METAP1D: variants seen among roughly 807,000 people sequenced by gnomAD.
The protein encoded by METAP1D is methionine aminopeptidase 1D, mitochondrial.
A neutral mutation model predicts 40.5 loss-of-function variants in METAP1D; 31 were observed. The observed-to-expected ratio is 0.77, with a 90% CI of 0.58 to 1.03. METAP1D has a LOEUF of 1.03. METAP1D is among the 50% of genes least tolerant of loss of function. METAP1D has a pLI of 0.00. For synonymous variants in METAP1D, 151 were observed against 146.4 expected, an observed-to-expected ratio of 1.03 and a Z score of -0.22; for missense variants, 411 against 420.7, an observed-to-expected ratio of 0.98 and a Z score of 0.20.
At chr2:172,053,822 G>A (rs536502960) in intron 1 of METAP1D, among the ~76,000 whole-genome samples, 3 of 152,256 alleles carry the variant, frequency 2.0e-5, no homozygotes, top group East Asian at 3.9e-4. Context: ...GCAGTGTAAC[G>A]TAACTGAGGA....
chr2:172,045,771 G>GTATA (rs201522068), intron 1 of METAP1D, among the ~76,000 whole-genome samples: 1 of 85,822 alleles, frequency 1.2e-5, no homozygotes, highest in Non-Finnish European at 2.1e-5. Context: ...GTGTATATAT[G>GTATA]TATATATGTG....
chr2:172,079,117 C>A (rs78551149), intron 7 of METAP1D, 98 bp from the exon 8 acceptor site: 284 of 1,254,734 alleles, frequency 2.3e-4, no homozygotes, highest in Admixed American at 6.2e-4. Context: ...AGAAATAAAA[C>A]GACCAAGTTT....
At chr2:172,063,647 GA>G in intron 2 of METAP1D, 63 bp from the exon 3 acceptor site, 7 of 1,301,212 alleles carry the variant, frequency 5.4e-6, no homozygotes, top group South Asian at 2.5e-5. Context: ...GGCTGTGTCT[GA>G]AAAAATGATC....
At chr2:172,051,631 A>C (rs1411323703) in intron 1 of METAP1D, among the ~76,000 whole-genome samples, 2 of 152,058 alleles carry the variant, frequency 1.3e-5, no homozygotes, top group Non-Finnish European at 1.5e-5. Context: ...CACCACTCTT[A>C]AATGTTGTTA....
At chr2:172,010,404 C>G (rs1213358921) in intron 1 of METAP1D, among the ~76,000 whole-genome samples, 1 of 149,760 alleles carries the variant, frequency 6.7e-6, no homozygotes, top group East Asian at 2.0e-4. Flanking sequence ...CCTTGGCCTC[C>G]CAGAGTACTA....
At chr2:172,031,128 C>T (rs1291943024) in intron 1 of METAP1D, among the ~76,000 whole-genome samples, 2 of 152,130 alleles carry the variant, frequency 1.3e-5, no homozygotes, top group Non-Finnish European at 2.9e-5. Flanking sequence ...TGGAAAGGTC[C>T]ACTGGCCCTA....
chr2:172,065,855 G>T, intron 4 of METAP1D, 103 bp downstream of exon 4: 1 of 1,228,436 alleles, frequency 8.1e-7, no homozygotes, highest in Non-Finnish European at 1.1e-6. Context: ...GAAACCCACC[G>T]GTAAACTTCT....
chr2:172,028,942 C>G (rs1689181128), intron 1 of METAP1D, among the ~76,000 whole-genome samples: 1 of 152,154 alleles, frequency 6.6e-6, no homozygotes, highest in African/African-American at 2.4e-5. Context: ...AGCATCTTTA[C>G]ACACCATTTT....
chr2:172,057,125 C>A (rs1299059895), intron 1 of METAP1D, among the ~76,000 whole-genome samples: 2 of 152,122 alleles, frequency 1.3e-5, no homozygotes, highest in Non-Finnish European at 2.9e-5. Flanking sequence ...AAGCTTGGGG[C>A]CTGGTCATTG....
intron 5 of METAP1D, among the ~76,000 whole-genome samples, chr2:172,070,360 T>C (rs894753487): frequency 6.6e-6 from 1 of 152,332 alleles, no homozygotes; most frequent in East Asian, 1.9e-4. Flanking sequence ...TTCATTCCTA[T>C]ATGGAACCAC....
chr2:172,037,160 G>T (rs1689414066), intron 1 of METAP1D, among the ~76,000 whole-genome samples: 1 of 152,126 alleles, frequency 6.6e-6, no homozygotes, highest in Non-Finnish European at 1.5e-5. Context: ...TGCTTGGGAG[G>T]CTGAGACAGG....
At chr2:172,043,113 A>T (rs1282218855) in intron 1 of METAP1D, among the ~76,000 whole-genome samples, 5,880 of 12,566 alleles carry the variant, frequency 0.47, 995 homozygotes, top group Middle Eastern at 0.79. Flanking sequence ...ATATATATAT[A>T]TATATTTTTT....
chr2:172,020,440 G>A (rs932820897), intron 1 of METAP1D, among the ~76,000 whole-genome samples: 5 of 152,144 alleles, frequency 3.3e-5, no homozygotes, highest in South Asian at 2.1e-4. Flanking sequence ...GTCTTCTTTC[G>A]TGCCCACAAT....
chr2:172,045,274 A>G lies in METAP1D; in HGVS notation c.41-16224A>G, dbSNP rs140800991. Among the ~76,000 whole-genome samples the G allele has an allele frequency of 6.7e-3, 904 of 134,192 alleles. 231 individuals are homozygous for G. Among genetic ancestry groups the G allele is most frequent in the Non-Finnish European group, 0.012 (712 of 57,618 alleles). 88.0% of individuals were successfully genotyped at this position (134,192 alleles called of 152,430 possible). A position where few individuals can be genotyped will look rare whatever the true frequency, so the allele number is the denominator to read the frequency against. Reference sequence around the variant, plus strand: ...TATATAAAGCAAAAAAATCAAACCAAAACAAAAAGGACCTACCAAAATGCT... The same window carrying G: ...TATATAAAGCAAAAAAATCAAACCAGAACAAAAAGGACCTACCAAAATGCT... On this transcript the variant is annotated intron_variant, in intron 1 of 9. Coordinates refer to ENST00000315796, the MANE Select transcript of METAP1D (RefSeq NM_199227.3).
At chr2:172,058,790 A>G (rs1406381234) in intron 1 of METAP1D, among the ~76,000 whole-genome samples, 3 of 152,258 alleles carry the variant, frequency 2.0e-5, no homozygotes, top group Admixed American at 6.5e-5. Context: ...ACAATATTGC[A>G]GTCCACTTTA....
chr2:172,010,701 C>T (rs1457587408), intron 1 of METAP1D, among the ~76,000 whole-genome samples: 2 of 151,228 alleles, frequency 1.3e-5, no homozygotes, highest in African/African-American at 2.4e-5. Flanking sequence ...GCCATGTTGG[C>T]CAGGCTGGTC....
intron 1 of METAP1D, among the ~76,000 whole-genome samples, chr2:172,059,793 G>A (rs1035679811): frequency 1.3e-5 from 2 of 152,204 alleles, no homozygotes; most frequent in Non-Finnish European, 1.5e-5. Flanking sequence ...GGCTACGCCC[G>A]TAATCCCAGC....
chr2:172,022,376 G>C (rs922716317), intron 1 of METAP1D, among the ~76,000 whole-genome samples: 33 of 152,068 alleles, frequency 2.2e-4, no homozygotes, highest in Non-Finnish European at 3.7e-4. Context: ...ACTAATGGAG[G>C]GAAATTTTTT....
rs547242304 is a variant in METAP1D, at chr2:172,050,455, G to A, written c.41-11043G>A. On this transcript the variant is annotated intron_variant, in intron 1 of 9. Transcript: ENST00000315796. Reference sequence around the variant, plus strand: ...ATCAGTTTTTTTTTAAAAAACTCATGATGTTTTTATATAGACTTTCTCTAA... The same window carrying A: ...ATCAGTTTTTTTTTAAAAAACTCATAATGTTTTTATATAGACTTTCTCTAA... Among the ~76,000 whole-genome samples the A allele has an allele frequency of 2.0e-3, 310 of 151,970 alleles. 1 individual carries two copies. Among genetic ancestry groups the A allele is most frequent in the Middle Eastern group, 6.8e-3 (2 of 294 alleles).
Sources: gnomAD v4.1 joint callset for allele counts (sites outside exome capture counted in the v4.1 genomes callset) on GRCh38, gnomAD v4.1.1 for gene constraint, MANE v1.5 for transcripts, NCBI Gene and HGNC (gene_info 2026-07-23, HGNC 2026-07-21) for gene names.